BANK1: variants seen among roughly 807,000 people sequenced by gnomAD.
BANK1 encodes the protein B-cell scaffold protein with ankyrin repeats.
BANK1 carries 95 observed loss-of-function variants against 94.5 expected under a neutral mutation model. That is an observed-to-expected ratio of 1.00 (90% CI 0.85 to 1.19). The LOEUF (loss-of-function observed/expected upper bound fraction) is 1.19. BANK1 is among the 50% of genes most tolerant of loss of function. BANK1 has a pLI of 0.00. For missense variants in BANK1, 987 were observed against 932.2 expected, an observed-to-expected ratio of 1.06 and a Z score of -0.77; for synonymous variants, 334 against 308.4, an observed-to-expected ratio of 1.08 and a Z score of -0.87.
chr4:101,884,501 A>C (rs1728779306), intron 5 of BANK1, among the ~76,000 whole-genome samples: 1 of 152,280 alleles, frequency 6.6e-6, no homozygotes, highest in African/African-American at 2.4e-5. Context: ...TTTGATTCTT[A>C]GACTCTCTTT....
intron 11 of BANK1, among the ~76,000 whole-genome samples, chr4:102,051,449 A>G (rs1308124398): frequency 6.6e-6 from 1 of 152,214 alleles, no homozygotes. Context: ...TGTCTCTCAG[A>G]AATGAAATCA....
rs5860691 is a variant in BANK1 at position 101,792,469 on chromosome 4, GTTTTT to G, written c.70+1528_70+1532del. 1.3e-4 allele frequency among the ~76,000 whole-genome samples: 13 copies of G among 97,638 alleles called. No individual in the cohort carries two copies. The South Asian group carries it at 1.4e-3, about 10-fold the overall frequency. The allele number at this position is 97,638 out of a possible 152,430, so 64.1% of individuals were successfully genotyped here. ...TGTGTGTGTGTGTGTGTGTGTGTGTGTTTTTTTTTTTTTAATGAAGAGCTCCCTCT... is the reference window on the plus strand; with the variant it reads ...TGTGTGTGTGTGTGTGTGTGTGTGTGTTTTTTTTAATGAAGAGCTCCCTCT... On this transcript the variant is annotated intron_variant, in intron 1 of 16. Transcript: ENST00000322953.
At chr4:101,936,021 A>G (rs1723518655) in intron 7 of BANK1, among the ~76,000 whole-genome samples, 2 of 151,518 alleles carry the variant, frequency 1.3e-5, no homozygotes, top group South Asian at 2.1e-4. Flanking sequence ...TTCTTGAGTA[A>G]ACCCCGCACA....
chr4:101,978,868 T>G (rs1417956909), intron 7 of BANK1, among the ~76,000 whole-genome samples: 1 of 152,074 alleles, frequency 6.6e-6, no homozygotes, highest in African/African-American at 2.4e-5. Flanking sequence ...TTTCAAAAAT[T>G]AAGATACTGT....
chr4:101,884,671 A>C (rs1728784603), intron 5 of BANK1, among the ~76,000 whole-genome samples: 1 of 152,144 alleles, frequency 6.6e-6, no homozygotes, highest in Non-Finnish European at 1.5e-5. Flanking sequence ...GAGTCTCCTT[A>C]ATATCTTCTT....
chr4:101,963,707 A>G (rs2148919975), intron 7 of BANK1, among the ~76,000 whole-genome samples: 1 of 152,254 alleles, frequency 6.6e-6, no homozygotes, highest in East Asian at 1.9e-4. Flanking sequence ...TTCAAACCAT[A>G]AGCACAACAG....
intron 9 of BANK1, among the ~76,000 whole-genome samples, chr4:102,028,078 G>T (rs1727163205): frequency 6.6e-6 from 1 of 152,138 alleles, no homozygotes; most frequent in African/African-American, 2.4e-5. Context: ...TGATACTTTG[G>T]AAAATAAAAA....
intron 5 of BANK1, among the ~76,000 whole-genome samples, chr4:101,890,871 G>A (rs1391800269): frequency 6.6e-6 from 1 of 150,984 alleles, no homozygotes. Flanking sequence ...TTATAGTCTA[G>A]CGCTGTCTTC....
chr4:101,936,901 G>A (rs938105752), intron 7 of BANK1, among the ~76,000 whole-genome samples: 1 of 151,582 alleles, frequency 6.6e-6, no homozygotes. Context: ...CAGTTTGGAG[G>A]TTCTTCAACA....
At chr4:102,063,272 T>C in intron 13 of BANK1, 134 bp downstream of exon 13, 1 of 700,954 alleles carries the variant, frequency 1.4e-6, no homozygotes. Flanking sequence ...GAGAGGGTCT[T>C]AATCTCTGGT....
intron 2 of BANK1, among the ~76,000 whole-genome samples, chr4:101,843,206 C>G (rs1054871372): frequency 3.3e-5 from 5 of 152,092 alleles, no homozygotes; most frequent in African/African-American, 9.7e-5. Context: ...CCTACTTTCC[C>G]CTTTGGTCTT....
chr4:101,960,949 T>A (rs1724546119), intron 7 of BANK1, among the ~76,000 whole-genome samples: 1 of 152,116 alleles, frequency 6.6e-6, no homozygotes, highest in Non-Finnish European at 1.5e-5. Context: ...CACAAAAGCC[T>A]TTTTTTAAAA....
chr4:102,038,379 G>GA (rs1578472401), intron 10 of BANK1, among the ~76,000 whole-genome samples: 3 of 152,168 alleles, frequency 2.0e-5, no homozygotes, highest in East Asian at 3.9e-4. Flanking sequence ...ACTTCTCTTT[G>GA]AAACAAAAGA....
intron 7 of BANK1, among the ~76,000 whole-genome samples, chr4:101,994,038 C>A (rs1185355159): frequency 1.3e-5 from 2 of 152,240 alleles, no homozygotes; most frequent in Non-Finnish European, 2.9e-5. Context: ...TTGTGCATAG[C>A]ACCTCATCGC....
chr4:102,000,586 C>T (rs1726031726), intron 7 of BANK1, among the ~76,000 whole-genome samples: 2 of 152,158 alleles, frequency 1.3e-5, no homozygotes, highest in South Asian at 4.2e-4. Flanking sequence ...GTATGGATTG[C>T]TTGCAGATTG....
intron 5 of BANK1, among the ~76,000 whole-genome samples, chr4:101,886,140 C>T (rs1199675761): frequency 2.0e-5 from 3 of 152,138 alleles, no homozygotes; most frequent in African/African-American, 7.2e-5. Context: ...TCTCCAGGAC[C>T]AAGGGTACTG....
intron 1 of BANK1, among the ~76,000 whole-genome samples, chr4:101,799,670 C>G (rs906625137): frequency 1.3e-5 from 2 of 152,028 alleles, no homozygotes; most frequent in Non-Finnish European, 2.9e-5. Flanking sequence ...GTCAGGAGAT[C>G]GAGGCCATCC....
chr4:102,055,311 T>C (rs919138336), intron 11 of BANK1, among the ~76,000 whole-genome samples: 5 of 152,018 alleles, frequency 3.3e-5, no homozygotes, highest in Non-Finnish European at 5.9e-5. Flanking sequence ...AAGACAAAAT[T>C]ATAGTTCAAC....
intron 6 of BANK1, among the ~76,000 whole-genome samples, chr4:101,897,089 C>A (rs1380682127): frequency 6.6e-6 from 1 of 151,974 alleles, no homozygotes; most frequent in African/African-American, 2.4e-5. Flanking sequence ...CCACTCCTCA[C>A]CTCATGGTTT....
Sources: gnomAD v4.1 joint callset for allele counts (sites outside exome capture counted in the v4.1 genomes callset) on GRCh38, gnomAD v4.1.1 for gene constraint, MANE v1.5 for transcripts, NCBI Gene and HGNC (gene_info 2026-07-23, HGNC 2026-07-21) for gene names.